The following PTPRT variants were observed in gnomAD, a reference collection of about 807,000 sequenced individuals.
PTPRT encodes protein tyrosine phosphatase receptor type T.
PTPRT carries 56 observed loss-of-function variants against 176.8 expected under a neutral mutation model. That is an observed-to-expected ratio of 0.32 (90% confidence interval 0.26 to 0.40). The LOEUF is 0.40. PTPRT is among the 10% of genes least tolerant of loss of function. The probability of loss-of-function intolerance (pLI) is 1.00; values close to 1 mark genes in which losing one functional copy is unlikely to be tolerated. For missense variants in PTPRT, 1,540 were observed against 1,908.2 expected, an observed-to-expected ratio of 0.81 and a Z score of 3.60; for synonymous variants, 783 against 739.0, an observed-to-expected ratio of 1.06 and a Z score of -0.96.
intron 7 of PTPRT, among the ~76,000 whole-genome samples, chr20:42,635,658 T>C (rs753807691): frequency 2.0e-5 from 3 of 152,170 alleles, no homozygotes; most frequent in Non-Finnish European, 4.4e-5. Context: ...ATAATTCTCA[T>C]ATTTGGAAAT....
At chr20:42,971,976 T>C (rs1165093914) in intron 1 of PTPRT, among the ~76,000 whole-genome samples, 1 of 151,830 alleles carries the variant, frequency 6.6e-6, no homozygotes, top group Admixed American at 6.6e-5. Flanking sequence ...GGATGACAAT[T>C]TAACAATAAG....
At chr20:42,389,186 T>C (rs573014808) in intron 9 of PTPRT, among the ~76,000 whole-genome samples, 1 of 151,536 alleles carries the variant, frequency 6.6e-6, no homozygotes, top group South Asian at 2.1e-4. Flanking sequence ...AATGACGAGT[T>C]AATGGGTGCA....
At chr20:42,035,829 A>G in the PTPRT span, among the ~76,000 whole-genome samples, 1 of 152,168 alleles carries the variant, frequency 6.6e-6, no homozygotes, top group African/African-American at 2.4e-5. Context: ...GCATCCCTTA[A>G]ACTAGAATGA....
At chr20:42,034,132 C>T in the PTPRT span, among the ~76,000 whole-genome samples, 1 of 152,182 alleles carries the variant, frequency 6.6e-6, no homozygotes, top group Non-Finnish European at 1.5e-5. Flanking sequence ...TGGGTCTTTG[C>T]TTCAGGGCCT....
In PTPRT at chr20:42,696,458, A is replaced by ATTTT. The variant is rs3091864; in HGVS notation, c.860-18303_860-18300dup. On this transcript the variant is annotated intron_variant, in intron 6 of 30. Coordinates refer to ENST00000373187, the MANE Select transcript of PTPRT (RefSeq NM_007050.6). ...AAGCCTTCCAATAGCCACATGAATTATTTTTTTTTTTTTTTGAGACAGAGC... is the reference window on the plus strand; with the variant it reads ...AAGCCTTCCAATAGCCACATGAATTATTTTTTTTTTTTTTTTTTTGAGACAGAGC... Among the ~76,000 whole-genome samples, 345 of 83,410 alleles carry ATTTT rather than the reference A, an allele frequency of 4.1e-3. 1 individual carries two copies. The highest frequency in any genetic ancestry group is 0.016 in the African/African-American group (310 of 18,888). 54.7% of individuals were successfully genotyped at this position (83,410 alleles called of 152,430 possible). A position where few individuals can be genotyped will look rare whatever the true frequency, so the allele number is the denominator to read the frequency against.
intron 1 of PTPRT, among the ~76,000 whole-genome samples, chr20:42,944,576 G>A (rs1442722432): frequency 6.6e-6 from 1 of 152,088 alleles, no homozygotes; most frequent in Non-Finnish European, 1.5e-5. Context: ...TCTTCCTACA[G>A]CTCTTTGAAC....
In PTPRT at chr20:42,575,769, T is replaced by A. The variant is rs573483596; in HGVS notation, c.1153+102097A>T. 7.9e-5 allele frequency among the ~76,000 whole-genome samples: 12 copies of A among 152,198 alleles called. No homozygotes were observed. The East Asian group carries it at 2.1e-3, about 27-fold the overall frequency. Reference sequence around the variant, plus strand: ...AACAGATTGCCAAGGCCTGTCGATGTTACCTTCTAAAGATCTCCTGAACCT... The same window carrying A: ...AACAGATTGCCAAGGCCTGTCGATGATACCTTCTAAAGATCTCCTGAACCT... On this transcript the variant is annotated intron_variant, in intron 7 of 30. Transcript: ENST00000373187.
chr20:42,486,351 G>C (rs2071464218), intron 7 of PTPRT, among the ~76,000 whole-genome samples: 2 of 152,130 alleles, frequency 1.3e-5, no homozygotes. Flanking sequence ...CTCCTTAAAT[G>C]TCATCAGTCT....
chr20:43,098,937 G>A (rs907079580), intron 1 of PTPRT, among the ~76,000 whole-genome samples: 3 of 151,804 alleles, frequency 2.0e-5, no homozygotes, highest in African/African-American at 4.8e-5. Flanking sequence ...TTCTCTTGCC[G>A]CCCACAAATT....
intron 13 of PTPRT, among the ~76,000 whole-genome samples, chr20:42,254,695 C>A (rs2056607304): frequency 6.6e-6 from 1 of 152,128 alleles, no homozygotes; most frequent in African/African-American, 2.4e-5. Flanking sequence ...AAGGCTAAAG[C>A]CCAGACCCTT....
At chr20:42,107,021 A>T (rs1986516438) in intron 23 of PTPRT, 100 bp from the exon 24 acceptor site, 7 of 1,447,070 alleles carry the variant, frequency 4.8e-6, no homozygotes, top group Non-Finnish European at 6.5e-6. Flanking sequence ...TCCTGCTGGG[A>T]GGCTCTAGAT....
At chr20:42,372,346 C>G (rs1600910141) in intron 9 of PTPRT, among the ~76,000 whole-genome samples, 2 of 136,310 alleles carry the variant, frequency 1.5e-5, no homozygotes, top group South Asian at 4.7e-4. Flanking sequence ...GGCAGTGGCA[C>G]AATCTTGGCT....
At chr20:42,631,420 T>C (rs2074402714) in intron 7 of PTPRT, among the ~76,000 whole-genome samples, 1 of 152,206 alleles carries the variant, frequency 6.6e-6, no homozygotes, top group Non-Finnish European at 1.5e-5. Context: ...GCTTCACATA[T>C]TGCCACATGT....
At chr20:42,431,335 A>G (rs16986892) in intron 9 of PTPRT, among the ~76,000 whole-genome samples, 14,886 of 152,190 alleles carry the variant, frequency 0.098, 979 homozygotes, top group East Asian at 0.22. Context: ...GCCACCATAA[A>G]CATGAAGTTT....
chr20:42,381,467 A>T (rs2058697835), intron 9 of PTPRT, among the ~76,000 whole-genome samples: 1 of 152,176 alleles, frequency 6.6e-6, no homozygotes, highest in South Asian at 2.1e-4. Context: ...TTGACCCATG[A>T]TGGACGTGTC....
intron 7 of PTPRT, among the ~76,000 whole-genome samples, chr20:42,627,681 A>G (rs2074318477): frequency 6.6e-6 from 1 of 152,060 alleles, no homozygotes; most frequent in Non-Finnish European, 1.5e-5. Context: ...TCCATGTCCT[A>G]TTTTTGGAAG....
At chr20:42,513,275 CT>C (rs2071994085) in intron 7 of PTPRT, among the ~76,000 whole-genome samples, 2 of 151,528 alleles carry the variant, frequency 1.3e-5, no homozygotes, top group South Asian at 2.1e-4. Context: ...AATTACCCCC[CT>C]AGCTTCCTTG....
At chr20:42,794,315 A>G (rs73098063) in intron 2 of PTPRT, among the ~76,000 whole-genome samples, 44,465 of 151,852 alleles carry the variant, frequency 0.29, 8,314 homozygotes, top group Non-Finnish European at 0.42. Flanking sequence ...TCTCACCCCC[A>G]CACCTCCATA....
At chr20:42,690,062 T>A (rs879717804) in intron 6 of PTPRT, among the ~76,000 whole-genome samples, 1 of 152,148 alleles carries the variant, frequency 6.6e-6, no homozygotes, top group Admixed American at 6.5e-5. Context: ...GATCTTGGTC[T>A]TAAAGGAAAA....
Sources: allele counts gnomAD v4.1 joint callset (sites outside exome capture counted in the v4.1 genomes callset), GRCh38; gene constraint gnomAD v4.1.1; transcripts MANE v1.5; gene names NCBI Gene and HGNC (gene_info 2026-07-23, HGNC 2026-07-21).